The following TRMT44 variants were observed in gnomAD, a reference collection of about 807,000 sequenced individuals.
TRMT44 encodes the protein tRNA methyltransferase 44 homolog.
A neutral mutation model predicts 77.3 loss-of-function variants in TRMT44; 78 were observed. The observed-to-expected ratio is 1.01, with a 90% CI of 0.84 to 1.22. TRMT44 has a LOEUF of 1.22. TRMT44 is among the 50% of genes most tolerant of loss of function. The pLI is 0.00. For missense variants in TRMT44, 1,090 were observed against 964.4 expected (o/e 1.13, Z -1.73); for synonymous variants, 391 against 383.3 (o/e 1.02, Z -0.23).
intron 2 of TRMT44, among the ~76,000 whole-genome samples, chr4:8,483,311 ACAGTGTAAACTGG>A (rs900188887): frequency 3.3e-5 from 5 of 152,184 alleles, no homozygotes; most frequent in African/African-American, 4.8e-5. Flanking sequence ...GCTTGGAGAA[ACAGTGTAAACTGG>A]CAGTGTAAAC....
intron 6 of TRMT44, among the ~76,000 whole-genome samples, chr4:8,462,336 G>C (rs1433248403): frequency 6.6e-6 from 1 of 152,124 alleles, no homozygotes; most frequent in African/African-American, 2.4e-5. Flanking sequence ...TCTTGAACCA[G>C]GGAGGCTGAG....
In TRMT44 at chr4:8,459,063, A is replaced by G. The variant is rs189073372; in HGVS notation, c.1203+4250A>G. On this transcript the variant is annotated intron_variant, in intron 6 of 10. Coordinates refer to ENST00000389737, the MANE Select transcript of TRMT44 (RefSeq NM_152544.3). ...AAAAAAAAAAAAAAATTAGCTGGAC[A>G]TGGTGGCATGCACCTGTAGTCCCAG... 2.6e-5 allele frequency among the ~76,000 whole-genome samples: 4 copies of G among 151,942 alleles called. No individual in the cohort carries two copies. In the East Asian group the frequency reaches 7.8e-4, roughly 29 times the overall value.
chr4:8,481,868 C>A (rs931327863), intron 2 of TRMT44, among the ~76,000 whole-genome samples: 1 of 152,150 alleles, frequency 6.6e-6, no homozygotes, highest in Non-Finnish European at 1.5e-5. Flanking sequence ...ATCCTGAAAG[C>A]CCTGTCTGAG....
intron 1 of TRMT44, among the ~76,000 whole-genome samples, chr4:8,445,179 A>T (rs527547831): frequency 8.5e-4 from 129 of 152,344 alleles, no homozygotes; most frequent in Non-Finnish European, 1.6e-3. Flanking sequence ...TTTTGTATAA[A>T]TAGGGTCTTA....
At chr4:8,483,095 C>T (rs1044380897) in intron 2 of TRMT44, among the ~76,000 whole-genome samples, 6 of 151,984 alleles carry the variant, frequency 3.9e-5, no homozygotes, top group Admixed American at 1.3e-4. Context: ...GGCCTGGATA[C>T]AGTTTTGTAT....
chr4:8,488,867 A>G (rs1265959556), intron 2 of TRMT44, among the ~76,000 whole-genome samples: 1 of 152,210 alleles, frequency 6.6e-6, no homozygotes, highest in East Asian at 1.9e-4. Flanking sequence ...TGCTGTGTCC[A>G]TGGGATCAAG....
chr4:8,490,971 CTAGA>C (rs200020682), intron 2 of TRMT44, among the ~76,000 whole-genome samples: 4,164 of 152,270 alleles, frequency 0.027, 67 homozygotes, highest in South Asian at 0.04. Context: ...ACCAGAGCAG[CTAGA>C]TAGAGAGTGT....
At chr4:8,511,687 A>G in the TRMT44 span, 2 of 152,142 alleles carry the variant, frequency 1.3e-5, no homozygotes, top group Non-Finnish European at 2.9e-5. Context: ...TGTTAGCAAT[A>G]ATGTTTGTTT....
rs372125806 is a variant in TRMT44 at position 8,471,212 on chromosome 4, G to A, written c.2044+12G>A. ...CCAGGTGTTCCAAGGTACGGAGTCC[G>A]CCTCTCCCCCGCCGTTCTTTCCTTC... On this transcript the variant is annotated intron_variant, in intron 10 of 10. Transcript: ENST00000389737. 74 of 1,508,984 alleles carry A rather than the reference G, an allele frequency of 4.9e-5. 1 individual carries two copies. Among genetic ancestry groups the A allele is most frequent in the Admixed American group, 2.9e-4 (14 of 47,730 alleles). 93.5% of individuals were successfully genotyped at this position (1,508,984 alleles called of 1,614,324 possible). A position where few individuals can be genotyped will look rare whatever the true frequency, so the allele number is the denominator to read the frequency against.
chr4:8,469,544 G>T (rs1260808509), intron 9 of TRMT44, among the ~76,000 whole-genome samples: 3 of 152,240 alleles, frequency 2.0e-5, no homozygotes, highest in Non-Finnish European at 2.9e-5. Flanking sequence ...CGGGCACACA[G>T]ATGTCAGCTG....
chr4:8,497,646 AAAAC>A (rs968478379), downstream of TRMT44, among the ~76,000 whole-genome samples: 13 of 152,216 alleles, frequency 8.5e-5, no homozygotes, highest in South Asian at 2.1e-4. Context: ...CTCCATCTCA[AAAAC>A]AAACAAACAA....
chr4:8,475,881 C>T lies in TRMT44; in HGVS notation c.2154C>T (p.Leu718=). Reference sequence around the variant, plus strand: ...TCTCTGAAGCCTGCAAAACCCGCCTCTGCTGGTTCTTCATGCATCACCCTG... The same window carrying T: ...TCTCTGAAGCCTGCAAAACCCGCCTTTGCTGGTTCTTCATGCATCACCCTG... ...RLLSEACKTR[L]CWFFMHHPDG... Residue 718 remains leucine, a synonymous_variant, in exon 11 of 11, where the codon CTC becomes CTT. Transcript: ENST00000389737. 6.2e-7 allele frequency: 1 copy of T among 1,614,258 alleles called. No homozygotes were observed. The highest frequency in any genetic ancestry group is 8.5e-7 in the Non-Finnish European group (1 of 1,180,054).
intron 8 of TRMT44, among the ~76,000 whole-genome samples, chr4:8,467,693 C>T (rs1579073707): frequency 6.6e-6 from 1 of 152,202 alleles, no homozygotes; most frequent in East Asian, 1.9e-4. Context: ...GTTGGCCAGG[C>T]TGGTCTGAAA....
chr4:8,458,817 ATG>A (rs1052164823), intron 6 of TRMT44, among the ~76,000 whole-genome samples: 4 of 152,100 alleles, frequency 2.6e-5, no homozygotes, highest in African/African-American at 9.7e-5. Context: ...AATACACAAA[ATG>A]TGTTTTAATC....
Position 8,446,610 on chromosome 4 carries a change from C to G in TRMT44, c.734+20C>G. 6.8e-7 allele frequency: 1 copy of G among 1,476,800 alleles called. No individual in the cohort carries two copies. The highest frequency in any genetic ancestry group is 9.1e-7 in the Non-Finnish European group (1 of 1,097,536). 91.5% of individuals were successfully genotyped at this position (1,476,800 alleles called of 1,614,324 possible). ...AGAATGGTAAGAGCTGGACAGTGGA[C>G]TCCTAGTTTTATGGTTTCCATTGAG... On this transcript the variant is annotated intron_variant, in intron 2 of 10. Coordinates refer to ENST00000389737, the MANE Select transcript of TRMT44 (RefSeq NM_152544.3). The surrounding 1 kb of genome is among the most constrained non-coding windows in gnomAD (Gnocchi z 4.3).
At position 8,465,385 on chromosome 4, in the gene TRMT44, TA is replaced by T. The variant is rs1726462368; in HGVS notation, c.1319del (p.Tyr440SerfsTer93). ...WIPVIAARSS[Y>X]NCRFFVLPCC... ...TGTTGGTTCTTTTTGAAGGTCTTCCTACAATTGCCGCTTCTTTGTCCTCCCC... is the reference window on the plus strand; with the variant it reads ...TGTTGGTTCTTTTTGAAGGTCTTCCTCAATTGCCGCTTCTTTGTCCTCCCC... On this transcript the variant is annotated frameshift_variant, in exon 8 of 11. Coordinates refer to ENST00000389737, the MANE Select transcript of TRMT44 (RefSeq NM_152544.3). LOFTEE classifies it high-confidence loss of function. The T allele has an allele frequency of 6.2e-7, 1 of 1,611,186 alleles. No individual in the cohort carries two copies.
chr4:8,467,423 G>GT (rs896917247), intron 8 of TRMT44, among the ~76,000 whole-genome samples: 2 of 152,212 alleles, frequency 1.3e-5, no homozygotes, highest in South Asian at 2.1e-4. Context: ...GGCTCTTACT[G>GT]TTTTTTTAAT....
In TRMT44 at chr4:8,470,762, C is replaced by T. The variant is rs115367137; in HGVS notation, c.1928-322C>T. Among the ~76,000 whole-genome samples the T allele has an allele frequency of 3.9e-3, 589 of 152,326 alleles. 4 individuals carry two copies. Among genetic ancestry groups the T allele is most frequent in the African/African-American group, 0.014 (570 of 41,578 alleles). On this transcript the variant is annotated intron_variant, in intron 9 of 10. Transcript: ENST00000389737. Reference sequence around the variant, plus strand: ...AAACCCTGGCTCCAAACAGCCACCCCCCTTCATGGGTCACCAGTGAGAAGA... The same window carrying T: ...AAACCCTGGCTCCAAACAGCCACCCTCCTTCATGGGTCACCAGTGAGAAGA...
chr4:8,468,451 A>C, intron 9 of TRMT44, 105 bp downstream of exon 9: 1 of 1,217,396 alleles, frequency 8.2e-7, no homozygotes. Context: ...CTGTGACTAC[A>C]CACTTTGAAA....
Sources: allele counts gnomAD v4.1 joint callset (sites outside exome capture counted in the v4.1 genomes callset), GRCh38; gene constraint gnomAD v4.1.1; non-coding constraint Gnocchi (gnomAD v3.1); transcripts MANE v1.5; gene names NCBI Gene and HGNC (gene_info 2026-07-23, HGNC 2026-07-21).